The following L3MBTL4 variants were observed in gnomAD, a reference collection of about 807,000 sequenced individuals.
L3MBTL4 encodes the protein L3MBTL histone methyl-lysine binding protein 4, also known as lethal(3)malignant brain tumor-like protein 4.
A neutral mutation model predicts 84.5 loss-of-function variants in L3MBTL4; 70 were observed. That is an observed-to-expected ratio of 0.83 (90% CI 0.68 to 1.01). The LOEUF (loss-of-function observed/expected upper bound fraction) is 1.01, where lower values mean the gene tolerates loss of function less well. Ranked by LOEUF, L3MBTL4 falls within the 50% of genes least tolerant of loss-of-function variation. The pLI is 0.00. For missense variants in L3MBTL4, 715 were observed against 754.8 expected, an observed-to-expected ratio of 0.95 and a Z score of 0.62; for synonymous variants, 274 against 259.8, an observed-to-expected ratio of 1.05 and a Z score of -0.52.
chr18:6,165,756 G>A (rs558662929), intron 13 of L3MBTL4, among the ~76,000 whole-genome samples: 4 of 152,296 alleles, frequency 2.6e-5, no homozygotes, highest in African/African-American at 7.2e-5. Flanking sequence ...TCAAGGCTAG[G>A]AAGAAACTGC....
In L3MBTL4 at chr18:6,093,520, C is replaced by T; in HGVS notation, c.1208G>A (p.Gly403Asp). The T allele has an allele frequency of 6.2e-7, 1 of 1,611,878 alleles. No individual in the cohort carries two copies. The highest frequency in any genetic ancestry group is 8.5e-7 in the Non-Finnish European group (1 of 1,179,342). ...CAAGTTCATGTCTGAATACGGGCAG[C>T]CAAAAGCACTGGTTTGTATAAAAAT... The part of the protein sequence containing the change: ...PRYSGHHSAF[G>D]CPYSDMNLKK... The change falls in exon 15 of 19, where the codon GGC becomes GAC. Residue 403 changes from glycine (G) to aspartate (D), a missense_variant. Gly to Asp is a moderately conservative substitution (Grantham distance 94, BLOSUM62 -1). Coordinates refer to ENST00000317931, the MANE Select transcript of L3MBTL4 (RefSeq NM_001330559.2).
At chr18:6,301,384 C>T (rs1168497809) in intron 4 of L3MBTL4, among the ~76,000 whole-genome samples, 4 of 152,118 alleles carry the variant, frequency 2.6e-5, no homozygotes, top group African/African-American at 9.7e-5. Flanking sequence ...AAAATCGCAT[C>T]TTCATCTGTT....
chr18:6,047,888 C>G (rs1445242236), intron 16 of L3MBTL4, among the ~76,000 whole-genome samples: 2 of 152,200 alleles, frequency 1.3e-5, no homozygotes, highest in East Asian at 3.8e-4. Flanking sequence ...TAACATAGTA[C>G]TGGAAGTCCT....
chr18:5,988,383 T>C (rs1282341029), intron 16 of L3MBTL4, among the ~76,000 whole-genome samples: 2 of 152,234 alleles, frequency 1.3e-5, no homozygotes, highest in African/African-American at 2.4e-5. Flanking sequence ...CTGTATGATA[T>C]ATTCAGATCT....
At chr18:6,237,932 G>C (rs1232793829) in intron 10 of L3MBTL4, 32 bp downstream of exon 10, 1 of 1,554,634 alleles carries the variant, frequency 6.4e-7, no homozygotes, top group Non-Finnish European at 8.9e-7. Context: ...ACACAGAGAT[G>C]ACTTCAAAGA....
chr18:6,322,510 G>GA (rs143247312), intron 1 of L3MBTL4, among the ~76,000 whole-genome samples: 57 of 131,110 alleles, frequency 4.3e-4, no homozygotes, highest in East Asian at 2.7e-3. Context: ...AGGAAAGAAG[G>GA]AAAAAAAAAA....
intron 5 of L3MBTL4, among the ~76,000 whole-genome samples, chr18:6,247,106 T>G (rs917127915): frequency 6.6e-6 from 1 of 152,198 alleles, no homozygotes; most frequent in Non-Finnish European, 1.5e-5. Context: ...ATAAATTTTT[T>G]TCTTAACATT....
intron 1 of L3MBTL4, among the ~76,000 whole-genome samples, chr18:6,379,710 T>G (rs769224251): frequency 1.6e-4 from 25 of 152,224 alleles, no homozygotes; most frequent in Non-Finnish European, 3.1e-4. Flanking sequence ...GCTGCAGGAT[T>G]CGTTTTGCCA....
chr18:6,402,357 A>G (rs372113776), intron 1 of L3MBTL4, among the ~76,000 whole-genome samples: 27 of 152,354 alleles, frequency 1.8e-4, no homozygotes, highest in Middle Eastern at 6.8e-3. Flanking sequence ...ATTCTAATAA[A>G]TTATTCTGGC....
At position 5,972,259 on chromosome 18, in the gene L3MBTL4, A is replaced by G. The variant is rs527820593; in HGVS notation, c.1445-2697T>C. On this transcript the variant is annotated intron_variant, in intron 16 of 18. Transcript: ENST00000317931. ...ATGTTTTACTATTATCAATTTTACCATATCAATTATACATCATGAGACAGA... is the reference window on the plus strand; with the variant it reads ...ATGTTTTACTATTATCAATTTTACCGTATCAATTATACATCATGAGACAGA... Among the ~76,000 whole-genome samples the G allele has an allele frequency of 7.2e-5, 11 of 152,332 alleles. No homozygotes were observed. In the East Asian group the frequency reaches 2.1e-3, roughly 29 times the overall value.
chr18:6,158,456 G>C (rs183417260), intron 13 of L3MBTL4, among the ~76,000 whole-genome samples: 17 of 152,262 alleles, frequency 1.1e-4, no homozygotes, highest in Non-Finnish European at 2.1e-4. Context: ...CCTTAGGGTG[G>C]AAAGAGTTTG....
At chr18:6,324,287 G>A (rs547749727) in intron 1 of L3MBTL4, among the ~76,000 whole-genome samples, 1 of 152,332 alleles carries the variant, frequency 6.6e-6, no homozygotes, top group African/African-American at 2.4e-5. Flanking sequence ...TGTGGGGTTG[G>A]AGGTCTCACA....
intron 13 of L3MBTL4, among the ~76,000 whole-genome samples, chr18:6,158,752 C>T (rs1372392185): frequency 6.6e-6 from 1 of 152,144 alleles, no homozygotes; most frequent in African/African-American, 2.4e-5. Flanking sequence ...AGTTAATGAG[C>T]CCAAGGCTGT....
At chr18:5,969,302 C>T in intron 17 of L3MBTL4, 91 bp downstream of exon 17, 2 of 1,429,572 alleles carry the variant, frequency 1.4e-6, no homozygotes, top group Non-Finnish European at 2.0e-6. Flanking sequence ...GGGCGCTGTC[C>T]CAGACATCAA....
intron 16 of L3MBTL4, among the ~76,000 whole-genome samples, chr18:6,072,616 G>C (rs1180458722): frequency 6.6e-6 from 1 of 150,680 alleles, no homozygotes; most frequent in East Asian, 2.0e-4. Flanking sequence ...CGAGGCGGGT[G>C]AATCATGAGG....
chr18:6,020,213 G>A (rs1355946636), intron 16 of L3MBTL4, among the ~76,000 whole-genome samples: 4 of 152,124 alleles, frequency 2.6e-5, no homozygotes, highest in Non-Finnish European at 5.9e-5. Flanking sequence ...GGAGGGAGGG[G>A]GAGCTAGGAA....
At chr18:5,982,169 G>A (rs138841073) in intron 16 of L3MBTL4, among the ~76,000 whole-genome samples, 1 of 152,146 alleles carries the variant, frequency 6.6e-6, no homozygotes, top group Non-Finnish European at 1.5e-5. Flanking sequence ...TATTTAAAGA[G>A]AGTCCTGCTA....
At position 6,285,868 on chromosome 18, in the gene L3MBTL4, T is replaced by C. The variant is rs958531160; in HGVS notation, c.127+16035A>G. Reference sequence around the variant, plus strand: ...TATTTTCCTAAGACGAGTCTCACTCTGTCACCAGGCTGGAGTGCAGTGGTG... The same window carrying C: ...TATTTTCCTAAGACGAGTCTCACTCCGTCACCAGGCTGGAGTGCAGTGGTG... On this transcript the variant is annotated intron_variant, in intron 4 of 18. Transcript: ENST00000317931. Among the ~76,000 whole-genome samples the C allele has an allele frequency of 2.7e-5, 4 of 149,958 alleles. No individual in the cohort carries two copies. In the East Asian group the frequency reaches 7.9e-4, roughly 30 times the overall value.
intron 1 of L3MBTL4, among the ~76,000 whole-genome samples, chr18:6,367,056 G>C (rs549150471): frequency 6.6e-6 from 1 of 152,186 alleles, no homozygotes; most frequent in Non-Finnish European, 1.5e-5. Context: ...AGGCCAGGAG[G>C]GGGGCTCCCC....
Sources: gnomAD v4.1 joint callset for allele counts (sites outside exome capture counted in the v4.1 genomes callset) on GRCh38, gnomAD v4.1.1 for gene constraint, MANE v1.5 for transcripts, NCBI Gene and HGNC (gene_info 2026-07-23, HGNC 2026-07-21) for gene names.